Variants in ZW10 observed in about 807,000 individuals in gnomAD.
ZW10 encodes the protein zw10 kinetochore protein.
ZW10 carries 53 observed loss-of-function variants against 87.8 expected under a neutral mutation model. The ratio of observed to expected loss-of-function variants is 0.60; its 90% CI spans 0.48 to 0.76. The LOEUF (loss-of-function observed/expected upper bound fraction) is 0.76. ZW10 is among the 30% of genes least tolerant of loss of function. The pLI is 0.00. For missense variants in ZW10, 837 were observed against 923.0 expected, an observed-to-expected ratio of 0.91 and a Z score of 1.21; for synonymous variants, 312 against 329.2, an observed-to-expected ratio of 0.95 and a Z score of 0.57.
intron 11 of ZW10, 55 bp downstream of exon 11, chr11:113,741,639 T>A: frequency 8.3e-7 from 1 of 1,207,166 alleles, no homozygotes; most frequent in Non-Finnish European, 1.1e-6. Flanking sequence ...TTAACTTAAC[T>A]TCCACATCTT....
At chr11:113,741,648 T>A (rs1456983029) in intron 11 of ZW10, 46 bp downstream of exon 11, 1 of 1,304,880 alleles carries the variant, frequency 7.7e-7, no homozygotes, top group Non-Finnish European at 1.1e-6. Flanking sequence ...CTTCCACATC[T>A]TAGACATACA....
At chr11:113,767,608 T>C (rs991725733) in intron 2 of ZW10, among the ~76,000 whole-genome samples, 2 of 152,086 alleles carry the variant, frequency 1.3e-5, no homozygotes, top group Non-Finnish European at 1.5e-5. Context: ...CTGGACTCAT[T>C]TCCCTCAAGT....
rs772999558 is a variant in ZW10, at chr11:113,768,981, C to T, written c.106-14G>A. ...GCACACCTCACCCTAAAATATAAAA[C>T]AGAATTATATTAAAAGACAGTGAAA... On this transcript the variant is annotated splice_polypyrimidine_tract_variant and intron_variant, in intron 1 of 15. Coordinates refer to ENST00000200135, the MANE Select transcript of ZW10 (RefSeq NM_004724.4). 6.2e-7 allele frequency: 1 copy of T among 1,611,678 alleles called. No individual in the cohort carries two copies. Among genetic ancestry groups the T allele is most frequent in the South Asian group, 1.1e-5 (1 of 90,864 alleles).
In ZW10 at chr11:113,747,437, C is replaced by T. The variant is rs566954932; in HGVS notation, c.1272+94G>A. 2.4e-4 allele frequency: 283 copies of T among 1,163,458 alleles called. 2 individuals are homozygous for T. Among genetic ancestry groups the T allele is most frequent in the Middle Eastern group, 5.0e-4 (2 of 3,978 alleles). 72.1% of individuals were successfully genotyped at this position (1,163,458 alleles called of 1,614,324 possible). On this transcript the variant is annotated intron_variant, in intron 9 of 15. Transcript: ENST00000200135. ...TGATAACTTGACTCAGCTCAACAACCGTCATCCTCTCTTCCACTTTACTAT... is the reference window on the plus strand; with the variant it reads ...TGATAACTTGACTCAGCTCAACAACTGTCATCCTCTCTTCCACTTTACTAT...
intron 7 of ZW10, among the ~76,000 whole-genome samples, chr11:113,756,064 C>T (rs190266977): frequency 1.2e-4 from 18 of 152,140 alleles, no homozygotes; most frequent in Admixed American, 7.2e-4. Flanking sequence ...AAACCAAACC[C>T]GCAATATCTC....
intron 7 of ZW10, among the ~76,000 whole-genome samples, chr11:113,753,880 G>A (rs957916200): frequency 6.6e-6 from 1 of 152,230 alleles, no homozygotes; most frequent in Admixed American, 6.5e-5. Context: ...TGGTTCATGA[G>A]TTTGAAGAAA....
chr11:113,747,749 T>C, intron 8 of ZW10, 36 bp from the exon 9 acceptor site: 3 of 1,486,046 alleles, frequency 2.0e-6, no homozygotes, highest in Non-Finnish European at 2.7e-6. Context: ...AAGAATCATT[T>C]ACATATATTC....
Position 113,737,704 on chromosome 11 carries a change from C to T in ZW10, c.1885-1G>A, listed in dbSNP as rs767576458. 1.2e-6 allele frequency: 2 copies of T among 1,603,586 alleles called. No homozygotes were observed. The highest frequency in any genetic ancestry group is 2.2e-5 in the South Asian group (2 of 89,814). On this transcript the variant is annotated splice_acceptor_variant, in intron 13 of 15. Transcript: ENST00000200135. LOFTEE classifies it high-confidence loss of function. The stretch of plus-strand genomic sequence containing the variant: ...CAAGTCTCTTTAGTTGGTGCAGTAC[C>T]TGTAGAAGAATACAGCTATTTACGT...
intron 6 of ZW10, among the ~76,000 whole-genome samples, chr11:113,758,174 CAAAAA>C (rs140640693): frequency 6.9e-6 from 1 of 145,338 alleles, no homozygotes; most frequent in Non-Finnish European, 1.5e-5. Flanking sequence ...AACTCCATCT[CAAAAA>C]AAAACACTTC....
chr11:113,736,662 A>T lies in ZW10; in HGVS notation c.2177T>A (p.Leu726Ter), dbSNP rs1953556506. 1 of 1,614,038 alleles carries T rather than the reference A, an allele frequency of 6.2e-7. No homozygotes were observed. Among genetic ancestry groups the T allele is most frequent in the African/African-American group, 1.3e-5 (1 of 74,920 alleles). The change falls in exon 15 of 16, where the codon TTG becomes TAG. Residue 726 changes from leucine to a stop codon, truncating the protein, a stop_gained. Coordinates refer to ENST00000200135, the MANE Select transcript of ZW10 (RefSeq NM_004724.4). LOFTEE classifies it high-confidence loss of function. ...YVPKWMPFKE[L>*]MMMLQASLQE... The stretch of plus-strand genomic sequence containing the variant: ...CAAGCTGGCTTGTAGCATCATCATC[A>T]ATTCCTTGAATGGCATCCATTTTGG...
At chr11:113,753,655 C>CT (rs1953755368) in intron 7 of ZW10, among the ~76,000 whole-genome samples, 1 of 152,174 alleles carries the variant, frequency 6.6e-6, no homozygotes, top group Admixed American at 6.5e-5. Context: ...ATCCATCTGC[C>CT]CTGGCCTCCC....
In ZW10 at chr11:113,773,567, TCTC is replaced by T; in HGVS notation, c.97_99del (p.Glu33del). Reference sequence around the variant, plus strand: ...GACAGCTGCCCCGCTCTCACCTTGATCTCCTCCACCCGCCGGGTCAGGCGGCTG... The same window carrying T: ...GACAGCTGCCCCGCTCTCACCTTGATCTCCACCCGCCGGGTCAGGCGGCTG... On this transcript the variant is annotated inframe_deletion, in exon 1 of 16. Transcript: ENST00000200135. 1.2e-6 allele frequency: 2 copies of T among 1,612,842 alleles called. No homozygotes were observed. Among genetic ancestry groups the T allele is most frequent in the South Asian group, 1.1e-5 (1 of 91,076 alleles).
At chr11:113,769,290 C>T (rs967941926) in intron 1 of ZW10, among the ~76,000 whole-genome samples, 3 of 150,366 alleles carry the variant, frequency 2.0e-5, no homozygotes, top group Non-Finnish European at 4.4e-5. Context: ...ACCCCAACGG[C>T]GCCCAAGACT....
intron 7 of ZW10, among the ~76,000 whole-genome samples, chr11:113,752,339 T>C (rs1356634901): frequency 6.6e-6 from 1 of 152,170 alleles, no homozygotes; most frequent in Non-Finnish European, 1.5e-5. Context: ...ATTGTGCCCC[T>C]GCCCAAATTT....
At chr11:113,734,246 C>CA (rs1297226990) in intron 15 of ZW10, among the ~76,000 whole-genome samples, 2 of 151,762 alleles carry the variant, frequency 1.3e-5, no homozygotes, top group African/African-American at 2.4e-5. Context: ...GAATAACGGG[C>CA]AAAAAAATAT....
At chr11:113,746,289 A>T (rs1953675338) in intron 9 of ZW10, among the ~76,000 whole-genome samples, 1 of 152,188 alleles carries the variant, frequency 6.6e-6, no homozygotes, top group Non-Finnish European at 1.5e-5. Flanking sequence ...AGAAGAGGAA[A>T]ATGAGGTTCA....
chr11:113,741,338 T>C (rs1953616259), intron 11 of ZW10, among the ~76,000 whole-genome samples: 1 of 152,112 alleles, frequency 6.6e-6, no homozygotes, highest in Non-Finnish European at 1.5e-5. Context: ...TGACATGTTA[T>C]CAAAGATATT....
chr11:113,739,710 T>A (rs1215538681), intron 11 of ZW10, among the ~76,000 whole-genome samples: 1 of 152,202 alleles, frequency 6.6e-6, no homozygotes, highest in Admixed American at 6.5e-5. Context: ...CACGGATACA[T>A]CTATGGAAAT....
At chr11:113,761,295 T>C (rs917940957) in intron 2 of ZW10, among the ~76,000 whole-genome samples, 3 of 152,176 alleles carry the variant, frequency 2.0e-5, no homozygotes, top group African/African-American at 7.2e-5. Context: ...TTTTTTTAAT[T>C]GAAACAGGGT....
Sources: allele counts gnomAD v4.1 joint callset (sites outside exome capture counted in the v4.1 genomes callset), GRCh38; gene constraint gnomAD v4.1.1; transcripts MANE v1.5; gene names NCBI Gene and HGNC (gene_info 2026-07-23, HGNC 2026-07-21).